SOX5: variants seen among roughly 807,000 people sequenced by gnomAD.
SOX5 encodes the protein SRY-box transcription factor 5, also known as transcription factor SOX-5.
Under a neutral mutation model 92.0 loss-of-function variants are expected in SOX5, and 9 were observed. The ratio of observed to expected loss-of-function variants is 0.10; its 90% CI spans 0.06 to 0.17. SOX5 has a LOEUF of 0.17. Among genes scored for constraint, SOX5 ranks in the 10% least tolerant of loss-of-function variants. SOX5 has a pLI of 1.00. For synonymous variants in SOX5, 344 were observed against 336.3 expected, an observed-to-expected ratio of 1.02 and a Z score of -0.25; for missense variants, 642 against 944.5, an observed-to-expected ratio of 0.68 and a Z score of 4.20.
chr12:23,905,647 G>T (rs1185482538), intron 1 of SOX5, among the ~76,000 whole-genome samples: 1 of 152,038 alleles, frequency 6.6e-6, no homozygotes, highest in Non-Finnish European at 1.5e-5. Flanking sequence ...ACTTGAAAAA[G>T]ATTAATTAGA....
In SOX5 at chr12:24,147,146, T is replaced by C. The variant is rs546619246; in HGVS notation, c.-2+66197A>G. 7.9e-5 allele frequency among the ~76,000 whole-genome samples: 12 copies of C among 152,276 alleles called. No homozygotes were observed. In the South Asian group the frequency reaches 2.3e-3, roughly 29 times the overall value. On this transcript the variant is annotated intron_variant, in intron 4 of 4. Coordinates refer to the SOX5 transcript ENST00000446891. ...AGTCATTTTATGAGGCCAGTATACC[T>C]TGATACCAAACCAAATAAACATTTT...
At chr12:24,479,263 A>G (rs1456788507) in intron 1 of SOX5, among the ~76,000 whole-genome samples, 2 of 152,200 alleles carry the variant, frequency 1.3e-5, no homozygotes, top group Non-Finnish European at 1.5e-5. Flanking sequence ...CTGTCCCATT[A>G]GAAGTATGCA....
rs201359517 is a variant in SOX5 at position 24,275,282 on chromosome 12, GTTTA to G, written c.-77+1930_-77+1933del. On this transcript the variant is annotated intron_variant, in intron 3 of 4. Coordinates refer to the SOX5 transcript ENST00000446891. ...ATCCAGAGTTAATTATATTCGATGT[GTTTA>G]TTATTTTTTCTATTAATTTTTCTGT... 7.0e-3 allele frequency among the ~76,000 whole-genome samples: 1,070 copies of G among 151,938 alleles called. 11 individuals are homozygous for G. The highest frequency in any genetic ancestry group is 0.048 in the Middle Eastern group (14 of 292).
intron 3 of SOX5, among the ~76,000 whole-genome samples, chr12:23,791,662 C>A (rs1246503639): frequency 1.3e-5 from 2 of 151,732 alleles, no homozygotes; most frequent in Non-Finnish European, 2.9e-5. Context: ...ACCACTTTAA[C>A]CAATAAAAAA....
chr12:24,284,711 C>A (rs2140445689), intron 2 of SOX5, among the ~76,000 whole-genome samples: 1 of 152,282 alleles, frequency 6.6e-6, no homozygotes, highest in African/African-American at 2.4e-5. Context: ...CCCATCTATT[C>A]CCTTTGTCTC....
chr12:23,998,082 A>T (rs374692175), intron 4 of SOX5, among the ~76,000 whole-genome samples: 2 of 152,184 alleles, frequency 1.3e-5, no homozygotes, highest in African/African-American at 4.8e-5. Context: ...ACAGGGGAAA[A>T]ATAAGCTAAT....
intron 1 of SOX5, among the ~76,000 whole-genome samples, chr12:24,408,208 T>C (rs751083832): frequency 7.2e-5 from 11 of 152,096 alleles, no homozygotes; most frequent in Non-Finnish European, 1.5e-4. Context: ...AGCTTTCCCA[T>C]GGAAAGCGCC....
At chr12:24,050,802 C>A (rs185322565) in intron 4 of SOX5, among the ~76,000 whole-genome samples, 2 of 152,148 alleles carry the variant, frequency 1.3e-5, no homozygotes, top group Admixed American at 6.5e-5. Context: ...AACTGTCTAG[C>A]AAGTATATAG....
At chr12:23,728,776 A>G (rs1293756225) in intron 6 of SOX5, among the ~76,000 whole-genome samples, 1 of 152,166 alleles carries the variant, frequency 6.6e-6, no homozygotes, top group Non-Finnish European at 1.5e-5. Context: ...TAAGCCTTAA[A>G]TGGTAGAATA....
At chr12:23,683,709 G>A (rs1198745741) in intron 6 of SOX5, among the ~76,000 whole-genome samples, 1 of 151,868 alleles carries the variant, frequency 6.6e-6, no homozygotes, top group African/African-American at 2.4e-5. Context: ...CAAAATGTGA[G>A]GAAATAATAG....
rs541467581 is a variant in SOX5 at position 24,374,453 on chromosome 12, A to G, written c.-250-5814T>C. Among the ~76,000 whole-genome samples, 3 of 152,226 alleles carry G rather than the reference A, an allele frequency of 2.0e-5. No homozygotes were observed. In the South Asian group the frequency reaches 6.2e-4, roughly 32 times the overall value. On this transcript the variant is annotated intron_variant, in intron 1 of 4. Coordinates refer to the SOX5 transcript ENST00000446891. ...TTCCTCGTAGTTGGTGCCCATGTGC[A>G]GGGAAACTGAAAAGTCCTATGCTCT...
intron 8 of SOX5, among the ~76,000 whole-genome samples, chr12:23,616,487 A>G (rs796623067): frequency 1.2e-4 from 19 of 152,314 alleles, no homozygotes; most frequent in African/African-American, 4.6e-4. Flanking sequence ...TTCCTCCTGA[A>G]GGGAGTAAGG....
At chr12:24,120,370 A>T (rs1159636751) in intron 4 of SOX5, among the ~76,000 whole-genome samples, 1 of 152,192 alleles carries the variant, frequency 6.6e-6, no homozygotes, top group Non-Finnish European at 1.5e-5. Flanking sequence ...TTAATTCAGT[A>T]AATTTTCCTT....
At chr12:24,317,934 G>T (rs775331146) in intron 2 of SOX5, among the ~76,000 whole-genome samples, 5 of 152,168 alleles carry the variant, frequency 3.3e-5, no homozygotes, top group Non-Finnish European at 7.3e-5. Context: ...TTCAGGCTGG[G>T]TGTTGGTGGC....
intron 1 of SOX5, among the ~76,000 whole-genome samples, chr12:24,523,760 T>C (rs541038681): frequency 1.3e-5 from 2 of 152,306 alleles, no homozygotes; most frequent in Admixed American, 1.3e-4. Flanking sequence ...GCATGCAAAC[T>C]TAAATGTAAG....
At chr12:23,722,517 G>A (rs2092876701) in intron 6 of SOX5, among the ~76,000 whole-genome samples, 1 of 151,884 alleles carries the variant, frequency 6.6e-6, no homozygotes, top group African/African-American at 2.4e-5. Flanking sequence ...TTTTTAATTT[G>A]GAAATTTCAT....
Position 24,322,023 on chromosome 12 carries a change from C to T in SOX5, c.-173-44711G>A, listed in dbSNP as rs550567535. On this transcript the variant is annotated intron_variant, in intron 2 of 4. Coordinates refer to the SOX5 transcript ENST00000446891. ...GCTGGAAGAACAACCTGTCTTATGG[C>T]ATTTTGGGCACACAATTTTCCTTCC... Among the ~76,000 whole-genome samples the T allele has an allele frequency of 2.0e-5, 3 of 152,214 alleles. No homozygotes were observed. In the South Asian group the frequency reaches 6.2e-4, roughly 32 times the overall value.
Position 24,321,275 on chromosome 12 carries a change from G to A in SOX5, c.-173-43963C>T, listed in dbSNP as rs549472255. Among the ~76,000 whole-genome samples, 78 of 152,252 alleles carry A rather than the reference G, an allele frequency of 5.1e-4. 2 individuals are homozygous for A. Among genetic ancestry groups the A allele is most frequent in the African/African-American group, 1.8e-3 (75 of 41,526 alleles). On this transcript the variant is annotated intron_variant, in intron 2 of 4. Transcript: ENST00000446891. ...CTGTTTCATTAATTAATAACATTCT[G>A]TGCACTTAAGATATTGTTACCACAA...
chr12:23,983,673 G>C (rs956615028), intron 4 of SOX5, among the ~76,000 whole-genome samples: 2 of 152,044 alleles, frequency 1.3e-5, no homozygotes, highest in African/African-American at 4.8e-5. Flanking sequence ...ATACAAATAA[G>C]TACATTCCAA....
Sources: gnomAD v4.1 joint callset for allele counts (sites outside exome capture counted in the v4.1 genomes callset) on GRCh38, gnomAD v4.1.1 for gene constraint, MANE v1.5 for transcripts, NCBI Gene and HGNC (gene_info 2026-07-23, HGNC 2026-07-21) for gene names.